CD28: variants seen among roughly 807,000 people sequenced by gnomAD.
CD28 encodes T-cell-specific surface glycoprotein CD28.
CD28 carries 8 observed loss-of-function variants against 21.4 expected under a neutral mutation model. The observed-to-expected ratio is 0.37, with a 90% CI of 0.22 to 0.68. The LOEUF (loss-of-function observed/expected upper bound fraction) is 0.68, where lower values mean the gene tolerates loss of function less well. Ranked by LOEUF, CD28 falls within the 30% of genes least tolerant of loss-of-function variation. The probability of loss-of-function intolerance (pLI) is 0.55; values close to 1 mark genes in which losing one functional copy is unlikely to be tolerated. For synonymous variants in CD28, 106 were observed against 104.0 expected (o/e 1.02, Z -0.12); for missense variants, 239 against 272.2 (o/e 0.88, Z 0.86).
intron 3 of CD28, among the ~76,000 whole-genome samples, chr2:203,731,074 G>A (rs1693877426): frequency 1.3e-5 from 2 of 152,216 alleles, no homozygotes; most frequent in African/African-American, 4.8e-5. Context: ...CAGGCTGCCT[G>A]TTGCTTACTC....
At chr2:203,715,810 C>T (rs941624714) in intron 1 of CD28, among the ~76,000 whole-genome samples, 6 of 152,134 alleles carry the variant, frequency 3.9e-5, no homozygotes, top group Admixed American at 6.5e-5. Flanking sequence ...AACTCTGGGT[C>T]GGTTTCCATT....
intron 1 of CD28, among the ~76,000 whole-genome samples, chr2:203,707,921 C>T (rs1235398673): frequency 6.6e-6 from 1 of 152,178 alleles, no homozygotes; most frequent in African/African-American, 2.4e-5. Context: ...GAATTTGTTA[C>T]TTGGGTGGGC....
intron 1 of CD28, among the ~76,000 whole-genome samples, chr2:203,722,703 T>C (rs1309949226): frequency 2.0e-5 from 3 of 152,220 alleles, no homozygotes; most frequent in African/African-American, 7.2e-5. Context: ...AAGAGTTGTT[T>C]AAAAGGTAGA....
intron 1 of CD28, among the ~76,000 whole-genome samples, chr2:203,712,921 A>T (rs1270843605): frequency 6.6e-6 from 1 of 152,192 alleles, no homozygotes; most frequent in East Asian, 1.9e-4. Context: ...AGTTACTATG[A>T]TTGCTATGAT....
At chr2:203,721,390 C>A (rs1428258050) in intron 1 of CD28, among the ~76,000 whole-genome samples, 4 of 152,172 alleles carry the variant, frequency 2.6e-5, no homozygotes, top group South Asian at 2.1e-4. Flanking sequence ...CTCTGACAAT[C>A]TTGTCTTTTG....
At position 203,738,737 on chromosome 2, in the gene CD28, G is replaced by A. The variant is rs1694113541; in HGVS notation, c.*3825G>A. ...AGTTAAACTACCCCACACCCTGTCT[G>A]CTTTCCTTGCTTATTTTTCTCCATA... On this transcript the variant is annotated 3_prime_UTR_variant, in exon 4 of 4. Transcript: ENST00000324106. The A allele has an allele frequency of 1.3e-5, 2 of 152,078 alleles. No individual in the cohort carries two copies. The highest frequency in any genetic ancestry group is 2.1e-4 in the South Asian group (1 of 4,822). The allele number at this position is 152,078 out of a possible 1,614,324, so 9.4% of individuals were successfully genotyped here. A position where few individuals can be genotyped will look rare whatever the true frequency, so the allele number is the denominator to read the frequency against.
rs116151805 is a variant in CD28, at chr2:203,710,398, T to C, written c.52+3650T>C. ...ATATCAATATATCAATACCAGGAAA[T>C]GGAATGAGTCATTGCCACAGATAGA... On this transcript the variant is annotated intron_variant, in intron 1 of 3. Coordinates refer to ENST00000324106, the MANE Select transcript of CD28 (RefSeq NM_006139.4). 9.5e-3 allele frequency among the ~76,000 whole-genome samples: 1,453 copies of C among 152,310 alleles called. 19 individuals carry two copies. The highest frequency in any genetic ancestry group is 0.032 in the African/African-American group (1,342 of 41,566).
chr2:203,731,777 A>G (rs900456403), intron 3 of CD28, among the ~76,000 whole-genome samples: 3 of 152,142 alleles, frequency 2.0e-5, no homozygotes, highest in Non-Finnish European at 4.4e-5. Flanking sequence ...TGGCAGTACT[A>G]CTAATTCCTA....
Position 203,726,910 on chromosome 2 carries a change from C to A in CD28, c.330C>A (p.Tyr110Ter). ...QNLYVNQTDI[Y>*]FCKIEVMYPP... The stretch of plus-strand genomic sequence containing the variant: ...TGTATGTTAACCAAACAGATATTTA[C>A]TTCTGCAAAATTGAAGTTATGTATC... Residue 110 changes from tyrosine to a stop codon, truncating the protein, a stop_gained, in exon 2 of 4, where the codon TAC becomes TAA. Transcript: ENST00000324106. LOFTEE classifies it high-confidence loss of function. The A allele has an allele frequency of 6.2e-7, 1 of 1,613,702 alleles. No individual in the cohort carries two copies. Among genetic ancestry groups the A allele is most frequent in the Non-Finnish European group, 8.5e-7 (1 of 1,179,612 alleles).
intron 3 of CD28, among the ~76,000 whole-genome samples, chr2:203,731,128 G>A (rs964792885): frequency 6.6e-6 from 1 of 152,172 alleles, no homozygotes; most frequent in Non-Finnish European, 1.5e-5. Flanking sequence ...GCTTGTTCCT[G>A]GAAATTCTTT....
At chr2:203,732,744 T>A (rs1693927535) in intron 3 of CD28, among the ~76,000 whole-genome samples, 1 of 152,200 alleles carries the variant, frequency 6.6e-6, no homozygotes, top group Non-Finnish European at 1.5e-5. Flanking sequence ...ACATACTCAA[T>A]GCACATGGGT....
rs1694046719 is a variant in CD28 at position 203,736,754 on chromosome 2, GC to G, written c.*1845del. The G allele has an allele frequency of 6.6e-6, 1 of 152,318 alleles. No homozygotes were observed. The highest frequency in any genetic ancestry group is 2.1e-4 in the South Asian group (1 of 4,826). The allele number at this position is 152,318 out of a possible 1,614,324, so 9.4% of individuals were successfully genotyped here. On this transcript the variant is annotated 3_prime_UTR_variant, in exon 4 of 4. Coordinates refer to ENST00000324106, the MANE Select transcript of CD28 (RefSeq NM_006139.4). ...GTTGAATAGCCTCAGGCAAGTCACT[GC>G]CCACCTAAGATGATGGTTCTTCAAC... is the stretch of plus-strand genomic sequence containing the variant.
chr2:203,726,815 T>G lies in CD28; in HGVS notation c.235T>G (p.Tyr79Asp). 6.2e-7 allele frequency: 1 copy of G among 1,614,214 alleles called. No homozygotes were observed. Among genetic ancestry groups the G allele is most frequent in the South Asian group, 1.1e-5 (1 of 91,080 alleles). ...GAATTACTCCCAGCAGCTTCAGGTTTACTCAAAAACGGGGTTCAACTGTGA... is the reference window on the plus strand; with the variant it reads ...GAATTACTCCCAGCAGCTTCAGGTTGACTCAAAAACGGGGTTCAACTGTGA... ...YGNYSQQLQV[Y>D]SKTGFNCDGK... Residue 79 changes from tyrosine to aspartate, a missense_variant, in exon 2 of 4, where the codon TAC (tyrosine) becomes GAC (aspartate). Around this residue, in one of 3 missense-constraint regions of CD28, gnomAD observed 104 missense variants for 108.5 expected, o/e 0.96. Transcript: ENST00000324106.
chr2:203,721,707 C>T (rs535443498), intron 1 of CD28, among the ~76,000 whole-genome samples: 21 of 152,270 alleles, frequency 1.4e-4, no homozygotes, highest in Admixed American at 5.9e-4. Context: ...CTGTTGCCCC[C>T]GGAAGTTTTG....
chr2:203,721,708 G>A (rs554073878), intron 1 of CD28, among the ~76,000 whole-genome samples: 2 of 152,228 alleles, frequency 1.3e-5, no homozygotes, highest in Admixed American at 6.5e-5. Context: ...TGTTGCCCCC[G>A]GAAGTTTTGT....
In CD28 at chr2:203,726,826, G is replaced by T; in HGVS notation, c.246G>T (p.Thr82=). The part of the protein sequence containing the change: ...YSQQLQVYSK[T]GFNCDGKLGN... ...AGCAGCTTCAGGTTTACTCAAAAAC[G>T]GGGTTCAACTGTGATGGGAAATTGG... The change falls in exon 2 of 4, where the codon ACG becomes ACT. Residue 82 remains threonine (T), a synonymous_variant. Coordinates refer to ENST00000324106, the MANE Select transcript of CD28 (RefSeq NM_006139.4). The T allele has an allele frequency of 6.2e-7, 1 of 1,614,160 alleles. No individual in the cohort carries two copies. Among genetic ancestry groups the T allele is most frequent in the Non-Finnish European group, 8.5e-7 (1 of 1,180,016 alleles).
At chr2:203,708,419 TA>T (rs1205068160) in intron 1 of CD28, among the ~76,000 whole-genome samples, 6 of 152,228 alleles carry the variant, frequency 3.9e-5, no homozygotes, top group African/African-American at 1.4e-4. Flanking sequence ...TAAAATTACT[TA>T]ATTTGTTAGA....
intron 1 of CD28, among the ~76,000 whole-genome samples, chr2:203,713,787 AGT>A (rs1208360445): frequency 2.0e-5 from 3 of 151,618 alleles, no homozygotes; most frequent in African/African-American, 7.3e-5. Flanking sequence ...CAAATGGCTG[AGT>A]GACTTAAGTA....
chr2:203,718,094 A>G (rs778770564), intron 1 of CD28, among the ~76,000 whole-genome samples: 28 of 152,222 alleles, frequency 1.8e-4, no homozygotes, highest in Middle Eastern at 3.4e-3. Context: ...AGGATGGTGA[A>G]AGGTGCTACA....
Sources: gnomAD v4.1 joint callset for allele counts (sites outside exome capture counted in the v4.1 genomes callset) on GRCh38, gnomAD v4.1.1 for gene constraint, gnomAD v4.1.1 regional missense constraint, MANE v1.5 for transcripts, NCBI Gene and HGNC (gene_info 2026-07-23, HGNC 2026-07-21) for gene names.